The following RAB44 variants were observed in gnomAD, a reference collection of about 807,000 sequenced individuals.
The protein encoded by RAB44 is RAB44, member RAS oncogene family.
Under a neutral mutation model 93.3 loss-of-function variants are expected in RAB44, and 67 were observed. The ratio of observed to expected loss-of-function variants is 0.72; its 90% CI spans 0.59 to 0.88. RAB44 has a LOEUF of 0.88. Among genes scored for constraint, RAB44 ranks in the 40% least tolerant of loss-of-function variants. The pLI is 0.00. For synonymous variants in RAB44, 427 were observed against 520.3 expected (o/e 0.82, Z 2.44); for missense variants, 1,064 against 1,261.7 (o/e 0.84, Z 2.37).
At chr6:36,703,050 T>C (rs1448521752) in intron 1 of RAB44, among the ~76,000 whole-genome samples, 2 of 152,198 alleles carry the variant, frequency 1.3e-5, no homozygotes, top group Non-Finnish European at 2.9e-5. Flanking sequence ...GAAATTTACA[T>C]AGAGCAGAAA....
intron 2 of RAB44, among the ~76,000 whole-genome samples, chr6:36,710,496 A>G (rs1326152643): frequency 6.6e-6 from 1 of 151,848 alleles, no homozygotes; most frequent in Non-Finnish European, 1.5e-5. Flanking sequence ...TAATGCTGCT[A>G]TGAATATGGG....
rs1027472240 is a variant in RAB44, at chr6:36,717,977, G to A, written c.642-51G>A. 2.5e-5 allele frequency: 28 copies of A among 1,140,086 alleles called. No homozygotes were observed. Among genetic ancestry groups the A allele is most frequent in the Non-Finnish European group, 3.0e-5 (27 of 904,024 alleles). The allele number at this position is 1,140,086 out of a possible 1,614,324, so 70.6% of individuals were successfully genotyped here. A position where few individuals can be genotyped will look rare whatever the true frequency, so the allele number is the denominator to read the frequency against. On this transcript the variant is annotated intron_variant, in intron 5 of 13. Transcript: ENST00000612677. The surrounding 1 kb of genome is among the most constrained non-coding windows in gnomAD (Gnocchi z 4.1). The stretch of plus-strand genomic sequence containing the variant: ...CCCAGACTGCCCCTGCCAGCAGCAG[G>A]CTCCCAGAGGTGCTGATGGGCTGCC...
chr6:36,730,568 G>T (rs934744588), intron 12 of RAB44, 105 bp from the exon 13 acceptor site: 2 of 603,898 alleles, frequency 3.3e-6, no homozygotes, highest in South Asian at 1.7e-4. Context: ...GTCAGCTTAG[G>T]GATGCATTGG....
At chr6:36,704,742 T>C (rs1218928593) in intron 2 of RAB44, among the ~76,000 whole-genome samples, 1 of 152,214 alleles carries the variant, frequency 6.6e-6, no homozygotes, top group Non-Finnish European at 1.5e-5. Flanking sequence ...TGGGAAGCAG[T>C]CAGAGCCCTG....
At chr6:36,728,610 C>T (rs932203084) in intron 11 of RAB44, 90 bp from the exon 12 acceptor site, 7 of 1,003,270 alleles carry the variant, frequency 7.0e-6, no homozygotes, top group Admixed American at 6.0e-5. Context: ...GGGGAACATG[C>T]GGGGGACACA....
chr6:36,709,114 T>TTTTTTA (rs1207715590), intron 2 of RAB44, among the ~76,000 whole-genome samples: 1 of 152,070 alleles, frequency 6.6e-6, no homozygotes, highest in South Asian at 2.1e-4. Flanking sequence ...CTGGCTATTT[T>TTTTTTA]TTTTTATTTT....
At chr6:36,702,629 C>T (rs1262829588) in intron 1 of RAB44, among the ~76,000 whole-genome samples, 3 of 152,218 alleles carry the variant, frequency 2.0e-5, no homozygotes, top group African/African-American at 7.2e-5. Context: ...TTACTGCTTC[C>T]AAATCCTACA....
At chr6:36,719,809 G>T (rs1009939589) in intron 7 of RAB44, among the ~76,000 whole-genome samples, 9 of 152,320 alleles carry the variant, frequency 5.9e-5, no homozygotes, top group African/African-American at 2.2e-4. Flanking sequence ...AGCTGTGGAA[G>T]TTCACAGAAC....
chr6:36,702,959 G>C (rs970313399), intron 1 of RAB44, among the ~76,000 whole-genome samples: 15 of 152,222 alleles, frequency 9.9e-5, no homozygotes, highest in African/African-American at 3.6e-4. Context: ...TATGGACCTA[G>C]ATAAACAGTG....
intron 12 of RAB44, among the ~76,000 whole-genome samples, chr6:36,729,465 A>ATTTT (rs759162607): frequency 1.4e-4 from 20 of 147,982 alleles, no homozygotes; most frequent in Non-Finnish European, 3.0e-4. Flanking sequence ...CTGGAAGGGA[A>ATTTT]TTTTTTTTCT....
chr6:36,721,917 G>C lies in RAB44; in HGVS notation c.1783G>C (p.Ala595Pro). Residue 595 changes from alanine to proline, a missense_variant, in exon 9 of 14, where the codon GCC becomes CCC. By Grantham distance (27) the Ala-to-Pro change is conservative. Transcript: ENST00000612677. The stretch of plus-strand genomic sequence containing the variant: ...AGATGCCCTCCAGCAGGACCTGCAT[G>C]CCACTGGCTCTGAGCCAAGACTGGG... ...QRDALQQDLH[A>P]TGSEPRLGTQ... is the part of the protein sequence containing the mutation. The C allele has an allele frequency of 8.1e-7, 1 of 1,234,902 alleles. No individual in the cohort carries two copies. Among genetic ancestry groups the C allele is most frequent in the East Asian group, 3.2e-5 (1 of 31,718 alleles). 76.5% of individuals were successfully genotyped at this position (1,234,902 alleles called of 1,614,324 possible).
intron 1 of RAB44, among the ~76,000 whole-genome samples, chr6:36,700,602 T>A (rs1473382810): frequency 6.6e-6 from 1 of 151,936 alleles, no homozygotes; most frequent in Non-Finnish European, 1.5e-5. Context: ...CATGCCCAGC[T>A]AGTTTTATTT....
intron 2 of RAB44, 85 bp downstream of exon 2, chr6:36,704,527 C>T (rs1020337713): frequency 7.5e-5 from 92 of 1,223,216 alleles, no homozygotes; most frequent in Non-Finnish European, 1.0e-4. Context: ...GAAGGCAGGG[C>T]TTGCTACCCC....
In RAB44 at chr6:36,730,677, TG is replaced by T; in HGVS notation, c.2908del (p.Val970SerfsTer18). The part of the protein sequence containing the change: ...VEAGQQLAQE[L>X]GVYFGECSAA... ...CCCTCCCTGTCTGGCCTGCAGGAAC[TG>T]GGGGTCTATTTTGGGGAGTGCAGTG... On this transcript the variant is annotated frameshift_variant, in exon 13 of 14. Coordinates refer to ENST00000612677, the MANE Select transcript of RAB44 (RefSeq NM_001257357.2). LOFTEE classifies it high-confidence loss of function. 8.1e-7 allele frequency: 1 copy of T among 1,234,174 alleles called. No homozygotes were observed. Among genetic ancestry groups the T allele is most frequent in the Non-Finnish European group, 1.0e-6 (1 of 988,076 alleles). 76.5% of individuals were successfully genotyped at this position (1,234,174 alleles called of 1,614,324 possible). A position where few individuals can be genotyped will look rare whatever the true frequency, so the allele number is the denominator to read the frequency against.
rs1763373027 is a variant in RAB44 at position 36,731,933 on chromosome 6, C to T, written c.2976-70C>T. 7 of 1,055,720 alleles carry T rather than the reference C, an allele frequency of 6.6e-6. No individual in the cohort carries two copies. In the South Asian group the frequency reaches 1.5e-4, roughly 22 times the overall value. The allele number at this position is 1,055,720 out of a possible 1,614,324, so 65.4% of individuals were successfully genotyped here. On this transcript the variant is annotated intron_variant, in intron 13 of 13. Coordinates refer to ENST00000612677, the MANE Select transcript of RAB44 (RefSeq NM_001257357.2). The surrounding 1 kb of genome is among the most constrained non-coding windows in gnomAD (Gnocchi z 4.0). The stretch of plus-strand genomic sequence containing the variant: ...GGTGCGGCCTCCCACCCCCCAGCTG[C>T]ACCCATGGGCCCATCCGTGCTGCCC...
chr6:36,724,970 C>G (rs559821823), intron 9 of RAB44, among the ~76,000 whole-genome samples: 1 of 152,158 alleles, frequency 6.6e-6, no homozygotes, highest in African/African-American at 2.4e-5. Context: ...TCAGAGCCAA[C>G]GGAGTTATAT....
At chr6:36,713,513 A>G (rs961748315) in intron 2 of RAB44, among the ~76,000 whole-genome samples, 51 of 152,188 alleles carry the variant, frequency 3.4e-4, no homozygotes, top group Admixed American at 2.7e-3. Context: ...ATTTTTGGAC[A>G]CTGATCACCA....
At position 36,721,383 on chromosome 6, in the gene RAB44, G is replaced by A. The variant is rs949976465; in HGVS notation, c.1249G>A (p.Ala417Thr). The part of the protein sequence containing the change: ...VRQISISEPQ[A>T]FLFGQEPSSD... ...GCAGATCTCCATCTCGGAGCCACAG[G>A]CTTTTCTATTTGGTCAGGAGCCATC... The change falls in exon 9 of 14, where the codon GCT (alanine) becomes ACT (threonine). Residue 417 changes from alanine (A) to threonine (T), a missense_variant. Physicochemically the swap from Ala to Thr is moderately conservative, Grantham distance 58 (BLOSUM62 0). Transcript: ENST00000612677. 1.6e-6 allele frequency: 2 copies of A among 1,234,104 alleles called. No individual in the cohort carries two copies. Among genetic ancestry groups the A allele is most frequent in the Non-Finnish European group, 2.0e-6 (2 of 988,158 alleles). 76.4% of individuals were successfully genotyped at this position (1,234,104 alleles called of 1,614,324 possible).
Position 36,718,570 on chromosome 6 carries a change from A to G in RAB44, c.810A>G (p.Leu270=). 3.2e-6 allele frequency: 4 copies of G among 1,234,108 alleles called. No individual in the cohort carries two copies. Among genetic ancestry groups the G allele is most frequent in the Non-Finnish European group, 4.0e-6 (4 of 987,956 alleles). The allele number at this position is 1,234,108 out of a possible 1,614,324, so 76.4% of individuals were successfully genotyped here. A position where few individuals can be genotyped will look rare whatever the true frequency, so the allele number is the denominator to read the frequency against. Residue 270 remains leucine (L), a synonymous_variant, in exon 7 of 14, where the codon CTA becomes CTG. Coordinates refer to ENST00000612677, the MANE Select transcript of RAB44 (RefSeq NM_001257357.2). ...LEAKEREVQR[L]AEGQRELEAQ... ...CCAAGGAGCGCGAGGTGCAGCGACT[A>G]GCTGAGGGCCAGAGGGAGGTGAGTA...
Sources: gnomAD v4.1 joint callset for allele counts (sites outside exome capture counted in the v4.1 genomes callset) on GRCh38, gnomAD v4.1.1 for gene constraint, Gnocchi (gnomAD v3.1) non-coding constraint, MANE v1.5 for transcripts, NCBI Gene and HGNC (gene_info 2026-07-23, HGNC 2026-07-21) for gene names.